Variants in N4BP1 observed in about 807,000 individuals in gnomAD.
N4BP1 encodes NEDD4 binding protein 1.
N4BP1 carries 21 observed loss-of-function variants against 70.9 expected under a neutral mutation model. That is an observed-to-expected ratio of 0.30 (90% confidence interval 0.21 to 0.43). The LOEUF (loss-of-function observed/expected upper bound fraction) is 0.43. Ranked by LOEUF, N4BP1 falls within the 20% of genes least tolerant of loss-of-function variation. The pLI, the probability that N4BP1 is intolerant of heterozygous loss-of-function variation, is 1.00. For missense variants in N4BP1, 936 were observed against 1,069.4 expected, an observed-to-expected ratio of 0.88 and a Z score of 1.74; for synonymous variants, 387 against 394.6, an observed-to-expected ratio of 0.98 and a Z score of 0.23.
chr16:48,580,162 AGTT>A (rs1964155877), intron 1 of N4BP1, among the ~76,000 whole-genome samples: 2 of 152,124 alleles, frequency 1.3e-5, no homozygotes, highest in Non-Finnish European at 2.9e-5. Flanking sequence ...TAATAAAATG[AGTT>A]GTTTATGAAA....
chr16:48,570,194 A>G (rs1963996153), intron 1 of N4BP1, among the ~76,000 whole-genome samples: 1 of 152,122 alleles, frequency 6.6e-6, no homozygotes, highest in Non-Finnish European at 1.5e-5. Context: ...TCGGTTTTAG[A>G]TGTTTCCTTT....
chr16:48,575,576 T>C (rs561736716), intron 1 of N4BP1, among the ~76,000 whole-genome samples: 1 of 152,252 alleles, frequency 6.6e-6, no homozygotes, highest in African/African-American at 2.4e-5. Flanking sequence ...CTCAAGAGTA[T>C]GCAGGTTTGA....
rs1391373793 is a variant in N4BP1 at position 48,610,103 on chromosome 16, G to A, written c.-131C>T. 1 of 332,136 alleles carries A rather than the reference G, an allele frequency of 3.0e-6. No individual in the cohort carries two copies. Among genetic ancestry groups the A allele is most frequent in the Non-Finnish European group, 4.3e-6 (1 of 232,640 alleles). The allele number at this position is 332,136 out of a possible 1,614,324, so 20.6% of individuals were successfully genotyped here. A position where few individuals can be genotyped will look rare whatever the true frequency, so the allele number is the denominator to read the frequency against. On this transcript the variant is annotated 5_prime_UTR_variant, in exon 1 of 7. Coordinates refer to ENST00000262384, the MANE Select transcript of N4BP1 (RefSeq NM_153029.4). Reference sequence around the variant, plus strand: ...GCCGCCTCGCCCCCGCCCGCGCCCCGCCGCCCGCCCTCAGGCCCGGCTATA... The same window carrying A: ...GCCGCCTCGCCCCCGCCCGCGCCCCACCGCCCGCCCTCAGGCCCGGCTATA...
chr16:48,569,305 G>A (rs749830965), intron 1 of N4BP1, among the ~76,000 whole-genome samples: 1 of 152,202 alleles, frequency 6.6e-6, no homozygotes, highest in African/African-American at 2.4e-5. Flanking sequence ...GATAGTTGAC[G>A]TAATTAGATT....
At chr16:48,543,389 T>C (rs1963538518) in intron 6 of N4BP1, 128 bp from the exon 7 acceptor site, 1 of 735,874 alleles carries the variant, frequency 1.4e-6, no homozygotes, top group East Asian at 2.9e-5. Context: ...AAAGGCAGGA[T>C]GCAAGACTGA....
intron 6 of N4BP1, among the ~76,000 whole-genome samples, chr16:48,545,539 T>C (rs1963577919): frequency 6.6e-6 from 1 of 150,644 alleles, no homozygotes; most frequent in Admixed American, 6.6e-5. Context: ...GATCGCGCCA[T>C]TGTACTCCAA....
chr16:48,595,038 T>C (rs1298853652), intron 1 of N4BP1, among the ~76,000 whole-genome samples: 2 of 152,160 alleles, frequency 1.3e-5, no homozygotes, highest in Non-Finnish European at 2.9e-5. Flanking sequence ...AAAAAAACTT[T>C]CAGGACTCCC....
chr16:48,606,052 ATGTC>A (rs1449608827), intron 1 of N4BP1, among the ~76,000 whole-genome samples: 1 of 152,054 alleles, frequency 6.6e-6, no homozygotes, highest in Non-Finnish European at 1.5e-5. Flanking sequence ...TATCTTCCCC[ATGTC>A]TGTCTCCCCT....
chr16:48,562,892 C>T (rs975133126), intron 1 of N4BP1, among the ~76,000 whole-genome samples: 1 of 152,006 alleles, frequency 6.6e-6, no homozygotes, highest in African/African-American at 2.4e-5. Context: ...CCTTGGTTTC[C>T]AGATTTCTTG....
intron 1 of N4BP1, chr16:48,577,377 T>A (rs919798416): frequency 1.3e-5 from 2 of 152,496 alleles, no homozygotes; most frequent in African/African-American, 4.8e-5. Flanking sequence ...AATTCTTTCC[T>A]GGTCCTCTCC....
chr16:48,602,266 A>C (rs1355533560), intron 1 of N4BP1, among the ~76,000 whole-genome samples: 2 of 152,214 alleles, frequency 1.3e-5, no homozygotes, highest in Non-Finnish European at 2.9e-5. Context: ...ACACAACAAC[A>C]AAAAACTGAT....
In N4BP1 at chr16:48,562,347, A is replaced by C; in HGVS notation, c.296T>G (p.Leu99Arg). 5.0e-6 allele frequency: 8 copies of C among 1,613,866 alleles called. No individual in the cohort carries two copies. The highest frequency in any genetic ancestry group is 5.9e-6 in the Non-Finnish European group (7 of 1,179,814). Reference sequence around the variant, plus strand: ...ACAAGTATCCTGAATCAAGCTTTTCAGAAACAGGCTCTCTGCCCCAACAAA... The same window carrying C: ...ACAAGTATCCTGAATCAAGCTTTTCCGAAACAGGCTCTCTGCCCCAACAAA... ...CIFVGAESLF[L>R]KSLIQDTCAD... The change falls in exon 2 of 7, where the codon CTG becomes CGG. Residue 99 changes from leucine to arginine, a missense_variant. By Grantham distance (102) the Leu-to-Arg change is moderately radical. Transcript: ENST00000262384.
chr16:48,603,078 T>C (rs1964528183), intron 1 of N4BP1, among the ~76,000 whole-genome samples: 1 of 152,198 alleles, frequency 6.6e-6, no homozygotes, highest in African/African-American at 2.4e-5. Context: ...CTGGTCAACT[T>C]GAACCCTCTG....
intron 1 of N4BP1, among the ~76,000 whole-genome samples, chr16:48,597,527 G>C (rs935487246): frequency 1.3e-5 from 2 of 152,150 alleles, no homozygotes; most frequent in Non-Finnish European, 2.9e-5. Context: ...AATTGCTTCG[G>C]ATGTTTTTCA....
chr16:48,549,469 C>T (rs1332699499), intron 4 of N4BP1, among the ~76,000 whole-genome samples: 1 of 152,214 alleles, frequency 6.6e-6, no homozygotes, highest in African/African-American at 2.4e-5. Context: ...CATACTTGTA[C>T]GTGTGTTCCA....
At chr16:48,591,677 A>T (rs1486550773) in intron 1 of N4BP1, among the ~76,000 whole-genome samples, 1 of 148,664 alleles carries the variant, frequency 6.7e-6, no homozygotes, top group Non-Finnish European at 1.5e-5. Flanking sequence ...TTTTTGTGAA[A>T]AAGTTTTTGT....
chr16:48,594,007 AAAAAAAAAAAAC>A (rs1323685384), intron 1 of N4BP1, among the ~76,000 whole-genome samples: 1 of 150,538 alleles, frequency 6.6e-6, no homozygotes, highest in African/African-American at 2.5e-5. Flanking sequence ...GTCTCAAAAA[AAAAAAAAAAAAC>A]AAAAAAAAAA....
At position 48,600,243 on chromosome 16, in the gene N4BP1, G is replaced by A. The variant is rs1218346329; in HGVS notation, c.198+9532C>T. 5.2e-5 allele frequency: 45 copies of A among 866,822 alleles called. No individual in the cohort carries two copies. In the Admixed American group the frequency reaches 7.1e-4, roughly 14 times the overall value. The allele number at this position is 866,822 out of a possible 1,614,324, so 53.7% of individuals were successfully genotyped here. A position where few individuals can be genotyped will look rare whatever the true frequency, so the allele number is the denominator to read the frequency against. Reference sequence around the variant, plus strand: ...GATGTTCATCCGCAACGACTGAAAGGTGTTCAGATTTTGTAAATCTAAATG... The same window carrying A: ...GATGTTCATCCGCAACGACTGAAAGATGTTCAGATTTTGTAAATCTAAATG... On this transcript the variant is annotated intron_variant, in intron 1 of 6. Transcript: ENST00000262384.
At chr16:48,548,140 A>C in intron 4 of N4BP1, 26 bp from the exon 5 acceptor site, 2 of 1,360,030 alleles carry the variant, frequency 1.5e-6, no homozygotes, top group Non-Finnish European at 2.1e-6. Flanking sequence ...AGAGTTTAAA[A>C]TCAGCAACAG....
Sources: gnomAD v4.1 joint callset for allele counts (sites outside exome capture counted in the v4.1 genomes callset) on GRCh38, gnomAD v4.1.1 for gene constraint, MANE v1.5 for transcripts, NCBI Gene and HGNC (gene_info 2026-07-23, HGNC 2026-07-21) for gene names.